The following EGFR variants were observed in gnomAD, a reference collection of about 807,000 sequenced individuals.
The protein encoded by EGFR is avian erythroblastic leukemia viral (v-erb-b) oncogene homolog.
Under a neutral mutation model 143.0 loss-of-function variants are expected in EGFR, and 58 were observed. The observed-to-expected ratio is 0.41, with a 90% CI of 0.33 to 0.50. EGFR has a LOEUF of 0.50. Among genes scored for constraint, EGFR ranks in the 20% least tolerant of loss-of-function variants. The pLI is 0.39. For synonymous variants in EGFR, 613 were observed against 594.4 expected (o/e 1.03, Z -0.45); for missense variants, 1,307 against 1,579.0 (o/e 0.83, Z 2.92).
intron 8 of EGFR, 60 bp from the exon 9 acceptor site, chr7:55,156,473 C>G (rs1325954768): frequency 1.3e-5 from 21 of 1,609,736 alleles, no homozygotes; most frequent in Non-Finnish European, 1.8e-5. Flanking sequence ...GCCTGTGGAT[C>G]CCTAGCTATT....
At chr7:55,159,181 G>A (rs1344137799) in intron 11 of EGFR, among the ~76,000 whole-genome samples, 3 of 152,194 alleles carry the variant, frequency 2.0e-5, no homozygotes, top group South Asian at 2.1e-4. Flanking sequence ...GTAGGGGCTA[G>A]AGGTTCTCAC....
intron 1 of EGFR, chr7:55,109,834 A>G (rs1401193836): frequency 2.0e-6 from 2 of 985,370 alleles, no homozygotes; most frequent in Non-Finnish European, 2.4e-6. Context: ...AATGAGCTCT[A>G]AAACAGTTCT....
intron 27 of EGFR, among the ~76,000 whole-genome samples, chr7:55,203,409 T>C (rs1787950645): frequency 8.8e-6 from 1 of 113,792 alleles, no homozygotes; most frequent in South Asian, 3.3e-4. Flanking sequence ...CACACACACG[T>C]ACACACAACA....
intron 1 of EGFR, among the ~76,000 whole-genome samples, chr7:55,040,569 C>T (rs1178039310): frequency 6.6e-6 from 1 of 152,152 alleles, no homozygotes; most frequent in African/African-American, 2.4e-5. Flanking sequence ...AAGTGCTTAT[C>T]TAAACTCTTA....
intron 1 of EGFR, among the ~76,000 whole-genome samples, chr7:55,139,874 A>T (rs1794362426): frequency 6.6e-6 from 1 of 152,128 alleles, no homozygotes; most frequent in Non-Finnish European, 1.5e-5. Flanking sequence ...TTACATCAAG[A>T]ATATGTAATG....
At chr7:55,072,628 T>C (rs1789900431) in intron 1 of EGFR, among the ~76,000 whole-genome samples, 1 of 152,214 alleles carries the variant, frequency 6.6e-6, no homozygotes, top group Non-Finnish European at 1.5e-5. Flanking sequence ...TTCTATTAAT[T>C]GTTTCCACTA....
At chr7:55,054,736 G>A (rs577219631) in intron 1 of EGFR, among the ~76,000 whole-genome samples, 1 of 152,274 alleles carries the variant, frequency 6.6e-6, no homozygotes. Context: ...GGGCAGCACC[G>A]TGCCTCCGTT....
intron 1 of EGFR, among the ~76,000 whole-genome samples, chr7:55,084,986 G>A (rs570258631): frequency 2.4e-4 from 37 of 152,182 alleles, no homozygotes; most frequent in South Asian, 8.4e-4. Flanking sequence ...AGAGTCAACC[G>A]GGAGGAAGGC....
At chr7:55,034,725 G>T (rs561230514) in intron 1 of EGFR, among the ~76,000 whole-genome samples, 18 of 152,280 alleles carry the variant, frequency 1.2e-4, no homozygotes, top group African/African-American at 4.3e-4. Flanking sequence ...ATAAATTAAT[G>T]CATGCTGGAG....
chr7:55,178,484 G>T (rs1477060632), intron 19 of EGFR, among the ~76,000 whole-genome samples: 2 of 152,200 alleles, frequency 1.3e-5, no homozygotes, highest in African/African-American at 2.4e-5. Context: ...CGACCCATTG[G>T]GGTGAGCAGT....
chr7:55,183,951 C>T (rs1358461815), intron 20 of EGFR, among the ~76,000 whole-genome samples: 1 of 152,196 alleles, frequency 6.6e-6, no homozygotes, highest in Non-Finnish European at 1.5e-5. Context: ...GTGGTCGGGC[C>T]ATCCGTGTGA....
intron 22 of EGFR, among the ~76,000 whole-genome samples, chr7:55,195,803 G>A (rs1248865788): frequency 6.6e-6 from 1 of 152,122 alleles, no homozygotes; most frequent in Non-Finnish European, 1.5e-5. Context: ...TAGTTTGCTA[G>A]GGATGATGGC....
chr7:55,053,098 G>C (rs1233258016), intron 1 of EGFR, among the ~76,000 whole-genome samples: 1 of 152,202 alleles, frequency 6.6e-6, no homozygotes, highest in Non-Finnish European at 1.5e-5. Flanking sequence ...TTGGCTTTTA[G>C]ATTCTTAGGA....
intron 1 of EGFR, among the ~76,000 whole-genome samples, chr7:55,075,367 A>G: frequency 6.6e-6 from 1 of 152,194 alleles, no homozygotes; most frequent in Non-Finnish European, 1.5e-5. Flanking sequence ...AGCTGTGACC[A>G]ACATGACAGA....
intron 19 of EGFR, among the ~76,000 whole-genome samples, chr7:55,178,845 T>TTTTG (rs757581494): frequency 1.3e-5 from 2 of 152,202 alleles, no homozygotes; most frequent in Admixed American, 1.3e-4. Context: ...AAGCTATAGT[T>TTTTG]TTTGTTTGTT....
At chr7:55,166,662 G>A (rs55678943) in intron 15 of EGFR, among the ~76,000 whole-genome samples, 3,288 of 104,986 alleles carry the variant, frequency 0.031, 94 homozygotes, top group African/African-American at 0.076. Context: ...GTTGATGGTG[G>A]TGAGGAGGTG....
chr7:55,121,312 G>T (rs1025373327), intron 1 of EGFR, among the ~76,000 whole-genome samples: 9 of 152,316 alleles, frequency 5.9e-5, no homozygotes, highest in East Asian at 1.9e-4. Flanking sequence ...TTCTCTCATT[G>T]CTGCTGCTCT....
Position 55,165,514 on chromosome 7 carries a change from C to T in EGFR, c.1880+77C>T, listed in dbSNP as rs41421952. On this transcript the variant is annotated intron_variant, in intron 15 of 27. Transcript: ENST00000275493. Reference sequence around the variant, plus strand: ...GATCAAAAATGTCTCCCAAGTTTTCCGGCAACAAATTGCCGAGGTTTGTAT... The same window carrying T: ...GATCAAAAATGTCTCCCAAGTTTTCTGGCAACAAATTGCCGAGGTTTGTAT... The T allele has an allele frequency of 9.7e-6, 15 of 1,539,480 alleles. No individual in the cohort carries two copies. In the East Asian group the frequency reaches 1.4e-4, roughly 14 times the overall value.
At chr7:55,089,812 C>A (rs2128894198) in intron 1 of EGFR, among the ~76,000 whole-genome samples, 1 of 152,268 alleles carries the variant, frequency 6.6e-6, no homozygotes, top group Non-Finnish European at 1.5e-5. Context: ...TGGAGACCAC[C>A]ACACGGGATT....
Sources: gnomAD v4.1 joint callset for allele counts (sites outside exome capture counted in the v4.1 genomes callset) on GRCh38, gnomAD v4.1.1 for gene constraint, MANE v1.5 for transcripts, NCBI Gene and HGNC (gene_info 2026-07-23, HGNC 2026-07-21) for gene names.